The following CHUK variants were observed in gnomAD, a reference collection of about 807,000 sequenced individuals.
CHUK encodes the protein inhibitor of nuclear factor kappa-B kinase subunit alpha.
CHUK carries 35 observed loss-of-function variants against 104.8 expected under a neutral mutation model. The observed-to-expected ratio is 0.33, with a 90% CI of 0.26 to 0.44. The LOEUF is 0.44. Among genes scored for constraint, CHUK ranks in the 20% least tolerant of loss-of-function variants. The pLI, the probability that CHUK is intolerant of heterozygous loss-of-function variation, is 1.00. For missense variants in CHUK, 663 were observed against 902.7 expected (o/e 0.73, Z 3.40); for synonymous variants, 276 against 291.9 (o/e 0.95, Z 0.56).
At position 100,207,257 on chromosome 10, in the gene CHUK, T is replaced by G. The variant is rs1845609879; in HGVS notation, c.1204A>C (p.Ser402Arg). The G allele has an allele frequency of 6.4e-7, 1 of 1,555,304 alleles. No individual in the cohort carries two copies. Among genetic ancestry groups the G allele is most frequent in the Non-Finnish European group, 8.9e-7 (1 of 1,127,458 alleles). The change falls in exon 11 of 21, where the codon AGT (serine) becomes CGT (arginine). Residue 402 changes from serine (S) to arginine (R), a missense_variant. Transcript: ENST00000370397. ...TVYEGPFASR[S>R]LSDCVNYIVQ... ...ATATAATTTACACAATCAGATAAAC[T>G]TCTGGAAGCAAATGGCCCTTCATAT...
chr10:100,226,570 T>C (rs1424731705), intron 1 of CHUK, among the ~76,000 whole-genome samples: 1 of 152,236 alleles, frequency 6.6e-6, no homozygotes. Flanking sequence ...TAACATCTCT[T>C]GCCTGTGACT....
intron 20 of CHUK, 82 bp downstream of exon 20, chr10:100,190,787 G>A: frequency 1.2e-6 from 1 of 825,622 alleles, no homozygotes. Flanking sequence ...CATCCCAAAT[G>A]CCAGATAAGG....
At chr10:100,215,032 C>G (rs767499966) in intron 9 of CHUK, among the ~76,000 whole-genome samples, 5 of 151,792 alleles carry the variant, frequency 3.3e-5, no homozygotes, top group Non-Finnish European at 5.9e-5. Flanking sequence ...GTCAGGGTGT[C>G]AAGACCAGCC....
At chr10:100,189,705 T>C in intron 20 of CHUK, 78 bp from the exon 21 acceptor site, 1 of 1,005,952 alleles carries the variant, frequency 9.9e-7, no homozygotes, top group Non-Finnish European at 1.6e-6. Flanking sequence ...TTTTGCAAGT[T>C]TTCTGTTTGG....
At chr10:100,217,427 C>CGTCT (rs1228077374) in intron 9 of CHUK, among the ~76,000 whole-genome samples, 4 of 152,018 alleles carry the variant, frequency 2.6e-5, no homozygotes, top group Admixed American at 1.3e-4. Flanking sequence ...TATGACTAGA[C>CGTCT]ATAAATGAAT....
At chr10:100,192,580 T>TATAA in intron 19 of CHUK, 3 of 985,048 alleles carry the variant, frequency 3.0e-6, no homozygotes, top group Non-Finnish European at 3.6e-6. Flanking sequence ...AAACTAATTA[T>TATAA]GGGCAGAGCT....
chr10:100,223,576 A>G (rs1846037620), intron 2 of CHUK, among the ~76,000 whole-genome samples: 1 of 151,974 alleles, frequency 6.6e-6, no homozygotes, highest in African/African-American at 2.4e-5. Flanking sequence ...AGTTCAAGTC[A>G]AGCCTGGGTA....
At position 100,215,312 on chromosome 10, in the gene CHUK, G is replaced by A. The variant is rs372799460; in HGVS notation, c.933+2683C>T. On this transcript the variant is annotated intron_variant, in intron 9 of 20. Transcript: ENST00000370397. ...GTTGTAAGTGCCAGTGGAACAGCCA[G>A]GTAGTTATACAGTTATACAGCAGTT... Among the ~76,000 whole-genome samples the A allele has an allele frequency of 1.3e-4, 20 of 152,066 alleles. No homozygotes were observed. In the South Asian group the frequency reaches 4.1e-3, roughly 32 times the overall value.
chr10:100,210,087 ATTTATTTTT>A (rs1845691361), intron 9 of CHUK, among the ~76,000 whole-genome samples: 1 of 129,452 alleles, frequency 7.7e-6, no homozygotes, highest in Non-Finnish European at 1.6e-5. Context: ...TTATTTATTT[ATTTATTTTT>A]TTTTTTTTTG....
At chr10:100,222,781 T>C in intron 3 of CHUK, 85 bp downstream of exon 3, 1 of 761,856 alleles carries the variant, frequency 1.3e-6, no homozygotes, top group Non-Finnish European at 2.4e-6. Context: ...TTCCGATTCT[T>C]ATTCTAGTTT....
intron 9 of CHUK, among the ~76,000 whole-genome samples, chr10:100,212,006 C>A (rs1365239065): frequency 6.6e-6 from 1 of 151,982 alleles, no homozygotes; most frequent in Non-Finnish European, 1.5e-5. Context: ...CCTCAGCCTA[C>A]GGAGTAGCTG....
At position 100,218,822 on chromosome 10, in the gene CHUK, A is replaced by G; in HGVS notation, c.693T>C (p.His231=). 8 of 1,610,906 alleles carry G rather than the reference A, an allele frequency of 5.0e-6. No homozygotes were observed. The highest frequency in any genetic ancestry group is 6.8e-6 in the Non-Finnish European group (8 of 1,177,202). Residue 231 remains histidine, a synonymous_variant, in exon 8 of 21, where the codon CAT becomes CAC. Coordinates refer to ENST00000370397, the MANE Select transcript of CHUK (RefSeq NM_001278.5). ...FLHHLQPFTW[H]EKIKKKDPKC... The stretch of plus-strand genomic sequence containing the variant: ...TTGGATCCTTCTTCTTAATCTTCTC[A>G]TGCCTATAAAATCAAAAGCTACCTC...
chr10:100,225,901 G>A (rs1387813208), intron 2 of CHUK, 22 bp downstream of exon 2: 6 of 1,404,828 alleles, frequency 4.3e-6, no homozygotes, highest in Non-Finnish European at 5.1e-6. Context: ...CCAGGGAAAT[G>A]TAAGTCAAGG....
At position 100,219,049 on chromosome 10, in the gene CHUK, A is replaced by G; in HGVS notation, c.648T>C (p.Ala216=). 6.2e-7 allele frequency: 1 copy of G among 1,613,992 alleles called. No homozygotes were observed. Among genetic ancestry groups the G allele is most frequent in the South Asian group, 1.1e-5 (1 of 91,080 alleles). ...GATGATGCAAAAAAGGCCTATATCC[A>G]GCAATACATTCAAATACCATGGTCC... The part of the protein sequence containing the change: ...SFGTMVFECI[A]GYRPFLHHLQ... Residue 216 remains alanine, a synonymous_variant, in exon 7 of 21, where the codon GCT becomes GCC. Coordinates refer to ENST00000370397, the MANE Select transcript of CHUK (RefSeq NM_001278.5).
rs1212644540 is a variant in CHUK, at chr10:100,202,116, A to G, written c.1541T>C (p.Met514Thr). Reference sequence around the variant, plus strand: ...AGCATAGTGGATGGCCTTTTCTTCCATTTCTTTCCATGCTTTTAGCATTTT... The same window carrying G: ...AGCATAGTGGATGGCCTTTTCTTCCGTTTCTTTCCATGCTTTTAGCATTTT... The part of the protein sequence containing the change: ...SEKMLKAWKE[M>T]EEKAIHYAEV... The change falls in exon 14 of 21, where the codon ATG becomes ACG. Residue 514 changes from methionine to threonine, a missense_variant. Transcript: ENST00000370397. 6.2e-7 allele frequency: 1 copy of G among 1,612,682 alleles called. No individual in the cohort carries two copies. Among genetic ancestry groups the G allele is most frequent in the South Asian group, 1.1e-5 (1 of 91,062 alleles).
chr10:100,190,927 A>C lies in CHUK; in HGVS notation c.2150T>G (p.Leu717Arg). 2 of 1,612,704 alleles carry C rather than the reference A, an allele frequency of 1.2e-6. No individual in the cohort carries two copies. The highest frequency in any genetic ancestry group is 2.2e-5 in the South Asian group (2 of 91,060). Residue 717 changes from leucine to arginine, a missense_variant, in exon 20 of 21, where the codon CTT becomes CGT. Coordinates refer to ENST00000370397, the MANE Select transcript of CHUK (RefSeq NM_001278.5). ...AQMIEENLNC[L>R]GHLSTIIHEA... ...ATGAATAATAGTGCTTAAATGGCCA[A>C]GGCAGTTCAAATTTTCTTCTATCAT...
chr10:100,207,285 A>G lies in CHUK; in HGVS notation c.1176T>C (p.Thr392=), dbSNP rs770880628. Residue 392 remains threonine, a synonymous_variant, in exon 11 of 21, where the codon ACT becomes ACC. Coordinates refer to ENST00000370397, the MANE Select transcript of CHUK (RefSeq NM_001278.5). ...YMVYLFDKSK[T]VYEGPFASRS... is the part of the protein sequence containing the mutation. ...TGGAAGCAAATGGCCCTTCATATAC[A>G]GTTTTACTTTTATCAAACAAATAAA... The G allele has an allele frequency of 6.3e-7, 1 of 1,578,970 alleles. No homozygotes were observed. Among genetic ancestry groups the G allele is most frequent in the Non-Finnish European group, 8.7e-7 (1 of 1,148,952 alleles).
chr10:100,216,141 G>A (rs996121788), intron 9 of CHUK, among the ~76,000 whole-genome samples: 5 of 152,090 alleles, frequency 3.3e-5, no homozygotes, highest in South Asian at 4.1e-4. Flanking sequence ...CTCTTTCCCC[G>A]TGCCCTATAA....
intron 10 of CHUK, among the ~76,000 whole-genome samples, chr10:100,208,660 C>T (rs1361441853): frequency 2.0e-5 from 3 of 152,008 alleles, no homozygotes; most frequent in African/African-American, 7.2e-5. Flanking sequence ...TGGTGGGCAC[C>T]TATAATCCCA....
Sources: allele counts gnomAD v4.1 joint callset (sites outside exome capture counted in the v4.1 genomes callset), GRCh38; gene constraint gnomAD v4.1.1; transcripts MANE v1.5; gene names NCBI Gene and HGNC (gene_info 2026-07-23, HGNC 2026-07-21).